Variants in STOX1 observed in about 807,000 individuals in gnomAD.
The protein encoded by STOX1 is storkhead-box protein 1.
STOX1 carries 57 observed loss-of-function variants against 74.8 expected under a neutral mutation model. The ratio of observed to expected loss-of-function variants is 0.76; its 90% CI spans 0.62 to 0.95. The LOEUF is 0.95. Among genes scored for constraint, STOX1 ranks in the 40% least tolerant of loss-of-function variants. STOX1 has a pLI of 0.00. For synonymous variants in STOX1, 375 were observed against 401.3 expected (o/e 0.93, Z 0.78); for missense variants, 1,010 against 1,117.0 (o/e 0.90, Z 1.37).
intron 3 of STOX1, among the ~76,000 whole-genome samples, chr10:68,888,818 T>G (rs1167963615): frequency 1.5e-5 from 2 of 129,870 alleles, no homozygotes; most frequent in Non-Finnish European, 3.3e-5. Context: ...TTTTTTTTTT[T>G]TTTTTTTTTT....
Position 68,882,129 on chromosome 10 carries a change from G to A in STOX1, c.463+19G>A. 1.2e-6 allele frequency: 2 copies of A among 1,612,026 alleles called. No homozygotes were observed. The highest frequency in any genetic ancestry group is 1.7e-6 in the Non-Finnish European group (2 of 1,178,326). On this transcript the variant is annotated intron_variant, in intron 2 of 3. Transcript: ENST00000298596. The stretch of plus-strand genomic sequence containing the variant: ...TACCCAGGTAGAGTAATAAATTTTT[G>A]TCTATTTGTACTTCACTGTATGTGT...
intron 1 of STOX1, among the ~76,000 whole-genome samples, chr10:68,854,149 C>A (rs1840062469): frequency 6.6e-6 from 1 of 152,054 alleles, no homozygotes; most frequent in Admixed American, 6.6e-5. Context: ...GCATGCGCCA[C>A]CACGCTGGGC....
At chr10:68,839,946 A>T (rs1447067104) in intron 1 of STOX1, among the ~76,000 whole-genome samples, 1 of 152,182 alleles carries the variant, frequency 6.6e-6, no homozygotes, top group Non-Finnish European at 1.5e-5. Context: ...GGTATTACAA[A>T]GATATAGTAA....
downstream of STOX1, chr10:68,895,124 C>T (rs1841168762): frequency 6.6e-6 from 1 of 152,180 alleles, no homozygotes. Context: ...GCTTGGTGAT[C>T]CCTTTACTGA....
chr10:68,853,319 G>A (rs962008700), intron 1 of STOX1, among the ~76,000 whole-genome samples: 4 of 152,146 alleles, frequency 2.6e-5, no homozygotes, highest in South Asian at 2.1e-4. Context: ...TGCAGAACTC[G>A]CGAGGGCAGG....
At chr10:68,831,680 G>A (rs979283552) in intron 1 of STOX1, among the ~76,000 whole-genome samples, 3 of 152,102 alleles carry the variant, frequency 2.0e-5, no homozygotes, top group Non-Finnish European at 2.9e-5. Flanking sequence ...CAAGCCGACT[G>A]GAGTGACTGG....
intron 1 of STOX1, among the ~76,000 whole-genome samples, chr10:68,880,164 C>CTTTTTTTTTTTTTTTTTTTT (rs71028800): frequency 1.4e-4 from 18 of 124,428 alleles, no homozygotes; most frequent in Middle Eastern, 4.4e-3. Flanking sequence ...TCTTTCTTTC[C>CTTTTTTTTTTTTTTTTTTTT]TTTTTTTTTT....
At chr10:68,830,226 G>A (rs1839370057) in intron 1 of STOX1, among the ~76,000 whole-genome samples, 1 of 152,126 alleles carries the variant, frequency 6.6e-6, no homozygotes, top group African/African-American at 2.4e-5. Flanking sequence ...GGATGCAGTG[G>A]ACACTATGAC....
At position 68,885,111 on chromosome 10, in the gene STOX1, G is replaced by A. The variant is rs768999973; in HGVS notation, c.1315G>A (p.Gly439Arg). The change falls in exon 3 of 4, where the codon GGA (glycine) becomes AGA (arginine). Residue 439 changes from glycine to arginine, a missense_variant. Gly to Arg is a moderately radical substitution (Grantham distance 125). Coordinates refer to ENST00000298596, the MANE Select transcript of STOX1 (RefSeq NM_152709.5). ...RRDRHKARNQ[G>R]SEFQPGSIRL... ...GGATAGACACAAAGCCAGGAATCAG[G>A]GAAGTGAGTTTCAGCCAGGAAGCAT... 24 of 1,613,106 alleles carry A rather than the reference G, an allele frequency of 1.5e-5. No homozygotes were observed. The South Asian group carries it at 2.6e-4, about 18-fold the overall frequency.
chr10:68,883,611 A>G (rs1840864275), intron 2 of STOX1, among the ~76,000 whole-genome samples: 1 of 151,952 alleles, frequency 6.6e-6, no homozygotes, highest in African/African-American at 2.4e-5. Flanking sequence ...GAATGATTTC[A>G]CCATGTTGCC....
rs1840885093 is a variant in STOX1, at chr10:68,884,394, C to G, written c.598C>G (p.Gln200Glu). 2.5e-6 allele frequency: 4 copies of G among 1,614,108 alleles called. No homozygotes were observed. The highest frequency in any genetic ancestry group is 3.4e-6 in the Non-Finnish European group (4 of 1,180,044). Residue 200 changes from glutamine (Q) to glutamate (E), a missense_variant, in exon 3 of 4, where the codon CAG becomes GAG. Gln to Glu is a conservative substitution (Grantham distance 29). Transcript: ENST00000298596. ...QTYFITNTTT[Q>E]ENKRMLPSDE... is the part of the protein sequence containing the mutation. Reference sequence around the variant, plus strand: ...TTACTTCATTACAAATACAACCACCCAGGAAAATAAGAGAATGCTGCCATC... The same window carrying G: ...TTACTTCATTACAAATACAACCACCGAGGAAAATAAGAGAATGCTGCCATC...
chr10:68,837,143 A>G (rs1305324886), intron 1 of STOX1, among the ~76,000 whole-genome samples: 1 of 152,252 alleles, frequency 6.6e-6, no homozygotes, highest in Non-Finnish European at 1.5e-5. Context: ...GAGCAGATGG[A>G]TGAATAAGTG....
chr10:68,868,081 G>T (rs1031383126), intron 1 of STOX1, among the ~76,000 whole-genome samples: 1 of 152,214 alleles, frequency 6.6e-6, no homozygotes. Context: ...CGTCGCTCTG[G>T]CGACCCTTCG....
intron 1 of STOX1, among the ~76,000 whole-genome samples, chr10:68,842,989 A>G (rs1042710312): frequency 2.0e-5 from 3 of 152,168 alleles, no homozygotes; most frequent in African/African-American, 7.2e-5. Flanking sequence ...GGGTCTGGCA[A>G]CGCATGGCTG....
intron 1 of STOX1, among the ~76,000 whole-genome samples, chr10:68,865,931 A>C (rs569786235): frequency 6.6e-6 from 1 of 152,020 alleles, no homozygotes; most frequent in African/African-American, 2.4e-5. Flanking sequence ...TTTTAACGGG[A>C]TAGGATCTGG....
chr10:68,836,883 A>C (rs956456835), intron 1 of STOX1, among the ~76,000 whole-genome samples: 18 of 152,190 alleles, frequency 1.2e-4, no homozygotes, highest in Admixed American at 1.1e-3. Flanking sequence ...GATATTTTCC[A>C]CAAACAGGGG....
chr10:68,864,216 A>G (rs1337251751), intron 1 of STOX1, among the ~76,000 whole-genome samples: 2 of 151,996 alleles, frequency 1.3e-5, no homozygotes, highest in Non-Finnish European at 2.9e-5. Flanking sequence ...GAGCCACCGC[A>G]CCCGGCCAAG....
chr10:68,859,793 C>T (rs1023387456), intron 1 of STOX1, among the ~76,000 whole-genome samples: 1 of 152,004 alleles, frequency 6.6e-6, no homozygotes, highest in Non-Finnish European at 1.5e-5. Flanking sequence ...GAGCTTGGCT[C>T]AGCAAGGCTG....
At chr10:68,833,112 G>C (rs1839453588) in intron 1 of STOX1, among the ~76,000 whole-genome samples, 1 of 132,606 alleles carries the variant, frequency 7.5e-6, no homozygotes, top group Admixed American at 8.1e-5. Context: ...TTGAGACAGA[G>C]TCTCACTCTG....
Sources: gnomAD v4.1 joint callset for allele counts (sites outside exome capture counted in the v4.1 genomes callset) on GRCh38, gnomAD v4.1.1 for gene constraint, MANE v1.5 for transcripts, NCBI Gene and HGNC (gene_info 2026-07-23, HGNC 2026-07-21) for gene names.